PLN: variants seen among roughly 807,000 people sequenced by gnomAD.
PLN encodes the protein phospholamban.
A neutral mutation model predicts 3.9 loss-of-function variants in PLN; 1 was observed. That is an observed-to-expected ratio of 0.26 (90% CI 0.09 to 1.23). The LOEUF (loss-of-function observed/expected upper bound fraction) is 1.23. Ranked by LOEUF, PLN falls within the 50% of genes most tolerant of loss-of-function variation. The pLI, the probability that PLN is intolerant of heterozygous loss-of-function variation, is 0.48. For synonymous variants in PLN, 21 were observed against 20.5 expected, an observed-to-expected ratio of 1.02 and a Z score of -0.07; for missense variants, 59 against 62.7, an observed-to-expected ratio of 0.94 and a Z score of 0.20.
chr6:118,553,420 T>G (rs767650377), intron 1 of PLN, among the ~76,000 whole-genome samples: 1 of 152,188 alleles, frequency 6.6e-6, no homozygotes, highest in Non-Finnish European at 1.5e-5. Flanking sequence ...AAATCTGGCC[T>G]AATTATCATC....
At chr6:118,554,306 T>C (rs998405916) in intron 1 of PLN, among the ~76,000 whole-genome samples, 8 of 151,994 alleles carry the variant, frequency 5.3e-5, no homozygotes, top group African/African-American at 1.9e-4. Context: ...CATCCATTCA[T>C]AAAAACAATT....
chr6:118,552,505 T>C (rs1046403448), intron 1 of PLN, among the ~76,000 whole-genome samples: 1 of 151,982 alleles, frequency 6.6e-6, no homozygotes, highest in South Asian at 2.1e-4. Flanking sequence ...GCAGACAAAG[T>C]AAGGACTCCT....
chr6:118,558,373 T>C (rs919061935), intron 1 of PLN, among the ~76,000 whole-genome samples: 3 of 152,160 alleles, frequency 2.0e-5, no homozygotes, highest in Non-Finnish European at 4.4e-5. Flanking sequence ...ACCAGAAATA[T>C]GCTATAGGAA....
chr6:118,548,517 TAAAA>T (rs1778343433), intron 1 of PLN, 125 bp downstream of exon 1: 1 of 152,118 alleles, frequency 6.6e-6, no homozygotes, highest in Admixed American at 6.5e-5. Flanking sequence ...TCTTAGGCAA[TAAAA>T]TGACATGACA....
At chr6:118,553,590 T>C (rs1778677511) in intron 1 of PLN, among the ~76,000 whole-genome samples, 1 of 152,250 alleles carries the variant, frequency 6.6e-6, no homozygotes, top group Non-Finnish European at 1.5e-5. Context: ...CAAATAACTT[T>C]AGGATTATGG....
intron 1 of PLN, among the ~76,000 whole-genome samples, chr6:118,558,074 C>A (rs1778983681): frequency 6.6e-6 from 1 of 151,978 alleles, no homozygotes; most frequent in Non-Finnish European, 1.5e-5. Flanking sequence ...CAGCGATCCT[C>A]CCAAGTAGCT....
intron 1 of PLN, among the ~76,000 whole-genome samples, chr6:118,557,765 C>T (rs1778963200): frequency 6.6e-6 from 1 of 152,150 alleles, no homozygotes; most frequent in African/African-American, 2.4e-5. Context: ...CTACGGTGAT[C>T]ATACAAATGC....
At chr6:118,554,182 G>A (rs995855732) in intron 1 of PLN, among the ~76,000 whole-genome samples, 1 of 152,126 alleles carries the variant, frequency 6.6e-6, no homozygotes, top group Non-Finnish European at 1.5e-5. Context: ...CAGCTACTCA[G>A]GAGGCTGAGG....
intron 1 of PLN, among the ~76,000 whole-genome samples, chr6:118,557,209 C>T (rs1778929865): frequency 6.6e-6 from 1 of 152,112 alleles, no homozygotes. Flanking sequence ...TCCCATTTAA[C>T]ACTATTTTAT....
At position 118,559,309 on chromosome 6, in the gene PLN, T is replaced by C. The variant is rs532539997; in HGVS notation, c.*229T>C. ...TTTCAAAAATTAACTTCAAAATAAG[T>C]GTATAAAATGCAACTGTTGATTTCC... On this transcript the variant is annotated 3_prime_UTR_variant, in exon 2 of 2. Transcript: ENST00000357525. 57 of 523,222 alleles carry C rather than the reference T, an allele frequency of 1.1e-4. No individual in the cohort carries two copies. Among genetic ancestry groups the C allele is most frequent in the Middle Eastern group, 4.8e-4 (1 of 2,080 alleles). The allele number at this position is 523,222 out of a possible 1,614,324, so 32.4% of individuals were successfully genotyped here.
intron 1 of PLN, among the ~76,000 whole-genome samples, chr6:118,555,138 A>C (rs1407185973): frequency 6.6e-6 from 1 of 152,216 alleles, no homozygotes; most frequent in African/African-American, 2.4e-5. Flanking sequence ...TCTTCATAAA[A>C]GGTGACTACT....
rs919268332 is a variant in PLN at position 118,561,132 on chromosome 6, C to G, written c.*2052C>G. ...TGGAAAGTGTTTGGTTCAGGGATAT[C>G]TGAAGAACAGAAGGGCAGAGATTTC... On this transcript the variant is annotated 3_prime_UTR_variant, in exon 2 of 2. Transcript: ENST00000357525. Among the ~76,000 whole-genome samples, 1 of 152,136 alleles carries G rather than the reference C, an allele frequency of 6.6e-6. No individual in the cohort carries two copies. The highest frequency in any genetic ancestry group is 2.1e-4 in the South Asian group (1 of 4,828).
At chr6:118,552,647 C>T (rs1253012258) in intron 1 of PLN, among the ~76,000 whole-genome samples, 1 of 151,610 alleles carries the variant, frequency 6.6e-6, no homozygotes, top group African/African-American at 2.4e-5. Flanking sequence ...ACCAGAATAC[C>T]ATCTTGAACT....
At chr6:118,550,646 G>C (rs1157007566) in intron 1 of PLN, among the ~76,000 whole-genome samples, 1 of 151,850 alleles carries the variant, frequency 6.6e-6, no homozygotes, top group Non-Finnish European at 1.5e-5. Context: ...AACCTTGGCA[G>C]AAGTTTAGGT....
chr6:118,554,246 A>G (rs370219036), intron 1 of PLN, among the ~76,000 whole-genome samples: 1 of 152,214 alleles, frequency 6.6e-6, no homozygotes, highest in East Asian at 1.9e-4. Context: ...ACGATTGCAC[A>G]ACTGCACTCC....
In PLN at chr6:118,558,896, T is replaced by C; in HGVS notation, c.-26T>C. 6.2e-7 allele frequency: 1 copy of C among 1,608,158 alleles called. No individual in the cohort carries two copies. The highest frequency in any genetic ancestry group is 8.5e-7 in the Non-Finnish European group (1 of 1,174,734). On this transcript the variant is annotated 5_prime_UTR_variant, in exon 2 of 2. Coordinates refer to ENST00000357525, the MANE Select transcript of PLN (RefSeq NM_002667.5). ...TATCTTTCTCTCGACCACTTAAAACTTCAGACTTCCTGTCCTGCTGGTATC... is the reference window on the plus strand; with the variant it reads ...TATCTTTCTCTCGACCACTTAAAACCTCAGACTTCCTGTCCTGCTGGTATC...
chr6:118,556,169 A>G (rs1351894752), intron 1 of PLN, among the ~76,000 whole-genome samples: 1 of 152,180 alleles, frequency 6.6e-6, no homozygotes, highest in Non-Finnish European at 1.5e-5. Context: ...TATACCCAGT[A>G]ATGGGATTGT....
At chr6:118,557,924 A>G (rs1433910426) in intron 1 of PLN, among the ~76,000 whole-genome samples, 1 of 150,564 alleles carries the variant, frequency 6.6e-6, no homozygotes, top group Non-Finnish European at 1.5e-5. Flanking sequence ...AACCACTGTT[A>G]CTCACTGATT....
intron 1 of PLN, among the ~76,000 whole-genome samples, chr6:118,549,130 T>C (rs1778383474): frequency 6.6e-6 from 1 of 151,894 alleles, no homozygotes; most frequent in South Asian, 2.1e-4. Flanking sequence ...AGAGAATAAT[T>C]TGATACTTTA....
Sources: gnomAD v4.1 joint callset for allele counts (sites outside exome capture counted in the v4.1 genomes callset) on GRCh38, gnomAD v4.1.1 for gene constraint, MANE v1.5 for transcripts, NCBI Gene and HGNC (gene_info 2026-07-23, HGNC 2026-07-21) for gene names.